Variants in PTGR3 observed in about 807,000 individuals in gnomAD.
PTGR3 encodes the protein prostaglandin reductase 3, also known as zinc binding alcohol dehydrogenase domain containing 2.
chr18:75,208,913 AC>A, the PTGR3 span: 1 of 1,577,986 alleles, frequency 6.3e-7, no homozygotes. Context: ...GCTCAGGGTG[AC>A]GGCCTCGCGG....
the PTGR3 span, chr18:75,201,437 G>A: frequency 6.2e-7 from 1 of 1,612,018 alleles, no homozygotes; most frequent in South Asian, 1.1e-5. Flanking sequence ...TGTTGACAGA[G>A]TGAGGTAATT....
chr18:75,202,037 C>T, the PTGR3 span: 40 of 1,614,120 alleles, frequency 2.5e-5, no homozygotes, highest in Middle Eastern at 3.3e-4. Context: ...TTTTCCCTTC[C>T]GACAGTCCTC....
the PTGR3 span, chr18:75,202,451 T>C: frequency 1.1e-6 from 1 of 930,062 alleles, no homozygotes; most frequent in Non-Finnish European, 1.6e-6. Flanking sequence ...GTTGCTAAGC[T>C]ATACAATCTG....
At chr18:75,208,218 C>CCGGGACA in the PTGR3 span, 13 of 742,742 alleles carry the variant, frequency 1.8e-5, no homozygotes, top group Non-Finnish European at 2.1e-5. Context: ...GCCCAGCTGC[C>CCGGGACA]CGGGACACGC....
the PTGR3 span, chr18:75,208,786 G>T: frequency 3.1e-6 from 4 of 1,304,870 alleles, no homozygotes; most frequent in Non-Finnish European, 3.9e-6. Flanking sequence ...CTGCGGGAGC[G>T]GCGCGGCGCG....
the PTGR3 span, chr18:75,208,810 G>A: frequency 1.4e-5 from 19 of 1,396,952 alleles, no homozygotes; most frequent in Non-Finnish European, 1.6e-5. Context: ...CGAGCCCGGG[G>A]CGAGAACGGG....
At chr18:75,205,212 G>A in the PTGR3 span, 4 of 985,424 alleles carry the variant, frequency 4.1e-6, no homozygotes, top group Non-Finnish European at 4.8e-6. Context: ...AGGGTCCGCA[G>A]CTCGCGCCTT....
the PTGR3 span, among the ~76,000 whole-genome samples, chr18:75,206,477 G>A: frequency 6.6e-6 from 1 of 152,194 alleles, no homozygotes; most frequent in Non-Finnish European, 1.5e-5. Flanking sequence ...CATTGCTTAG[G>A]GGAGATTTGG....
At chr18:75,201,138 G>A in the PTGR3 span, 1 of 402,990 alleles carries the variant, frequency 2.5e-6, no homozygotes, top group East Asian at 4.2e-5. Flanking sequence ...TAGTTCCCTG[G>A]AACAATAACA....
chr18:75,201,705 GA>G, the PTGR3 span: 1 of 1,614,200 alleles, frequency 6.2e-7, no homozygotes, highest in Admixed American at 1.7e-5. Flanking sequence ...TTTCACAGGC[GA>G]AAGGCCAGTA....
the PTGR3 span, among the ~76,000 whole-genome samples, chr18:75,206,141 A>G: frequency 6.6e-6 from 1 of 152,246 alleles, no homozygotes; most frequent in Non-Finnish European, 1.5e-5. Flanking sequence ...ACAGTAAGGT[A>G]AGAACTGGAT....
At chr18:75,201,995 C>T in the PTGR3 span, 597 of 1,614,176 alleles carry the variant, frequency 3.7e-4, 1 homozygote, top group South Asian at 5.9e-4. Flanking sequence ...CAAACTGGCC[C>T]GTTCCCCCAG....
the PTGR3 span, chr18:75,201,197 C>T: frequency 1.9e-6 from 1 of 540,074 alleles, no homozygotes; most frequent in Admixed American, 3.4e-5. Context: ...AAGCGTTTTC[C>T]CTCTTAGCCA....
chr18:75,205,203 G>A, the PTGR3 span: 1 of 985,404 alleles, frequency 1.0e-6, no homozygotes, highest in African/African-American at 1.7e-5. Context: ...CTCTGCGTGA[G>A]GGTCCGCAGC....
At chr18:75,205,275 C>T in the PTGR3 span, 3 of 985,702 alleles carry the variant, frequency 3.0e-6, no homozygotes, top group Non-Finnish European at 2.4e-6. Flanking sequence ...GAATGCGGGG[C>T]TCGGGATGGG....
chr18:75,205,004 G>T, the PTGR3 span, among the ~76,000 whole-genome samples: 1 of 152,216 alleles, frequency 6.6e-6, no homozygotes, highest in Non-Finnish European at 1.5e-5. Context: ...CGTCGGTGAA[G>T]GAGGCTTAGG....
chr18:75,201,823 C>T, the PTGR3 span: 4 of 1,614,196 alleles, frequency 2.5e-6, no homozygotes, highest in South Asian at 4.4e-5. Context: ...TCATAGACCA[C>T]ATCGACACCT....
the PTGR3 span, chr18:75,201,871 C>T: frequency 1.3e-5 from 21 of 1,614,068 alleles, no homozygotes; most frequent in Non-Finnish European, 1.8e-5. Context: ...CCTACGGGTT[C>T]AGTTTTATAG....
chr18:75,201,172 T>C, the PTGR3 span: 5 of 503,940 alleles, frequency 9.9e-6, no homozygotes, highest in Non-Finnish European at 1.8e-5. Context: ...CATCCATGAC[T>C]AAAGAATTGA....
Sources: gnomAD v4.1 joint callset for allele counts (sites outside exome capture counted in the v4.1 genomes callset) on GRCh38, gnomAD v4.1.1 for gene constraint, MANE v1.5 for transcripts, NCBI Gene and HGNC (gene_info 2026-07-23, HGNC 2026-07-21) for gene names.